The following FOLH1 variants were observed in gnomAD, a reference collection of about 807,000 sequenced individuals.
FOLH1 encodes folate hydrolase 1, also known as glutamate carboxypeptidase 2.
A neutral mutation model predicts 93.9 loss-of-function variants in FOLH1; 54 were observed. That is an observed-to-expected ratio of 0.57 (90% CI 0.46 to 0.72). The LOEUF (loss-of-function observed/expected upper bound fraction) is 0.72, where lower values mean the gene tolerates loss of function less well. Ranked by LOEUF, FOLH1 falls within the 30% of genes least tolerant of loss-of-function variation. FOLH1 has a pLI of 0.00. For synonymous variants in FOLH1, 249 were observed against 303.6 expected (o/e 0.82, Z 1.87); for missense variants, 571 against 892.5 (o/e 0.64, Z 4.59).
intron 4 of FOLH1, among the ~76,000 whole-genome samples, chr11:49,188,681 A>T (rs1861689297): frequency 6.6e-6 from 1 of 152,170 alleles, no homozygotes; most frequent in South Asian, 2.1e-4. Context: ...ATCTTAACAC[A>T]TTTGTTCAGT....
Position 49,200,389 on chromosome 11 carries a change from C to A in FOLH1, c.277G>T (p.Ala93Ser). ...LAGTEQNFQLAKQIQSQWKEF... is the reference protein window; with the variant it reads ...LAGTEQNFQLSKQIQSQWKEF... The stretch of plus-strand genomic sequence containing the variant: ...TTCCACTGGGATTGAATTTGCTTTG[C>A]AAGCTGAAAGTTTTGTTCTGTTCCT... Residue 93 changes from alanine (A) to serine (S), a missense_variant, in exon 3 of 19, where the codon GCA (alanine) becomes TCA (serine). By Grantham distance (99) the Ala-to-Ser change is moderately conservative. Around this residue, in one of 2 missense-constraint regions of FOLH1, gnomAD observed 500 missense variants for 822.9 expected, o/e 0.61. Transcript: ENST00000256999. The A allele has an allele frequency of 6.2e-7, 1 of 1,613,438 alleles. No individual in the cohort carries two copies. Among genetic ancestry groups the A allele is most frequent in the Middle Eastern group, 1.7e-4 (1 of 6,052 alleles).
At chr11:49,192,932 T>TA (rs1862232356) in intron 3 of FOLH1, 38 bp from the exon 4 acceptor site, 1 of 1,518,744 alleles carries the variant, frequency 6.6e-7, no homozygotes, top group Non-Finnish European at 8.9e-7. Flanking sequence ...ATAAAACAGT[T>TA]AAAGTTTGAT....
intron 3 of FOLH1, among the ~76,000 whole-genome samples, chr11:49,196,335 G>A (rs962782733): frequency 6.6e-6 from 1 of 152,020 alleles, no homozygotes; most frequent in African/African-American, 2.4e-5. Flanking sequence ...TAAACCAGTA[G>A]TTTAAAATTT....
At chr11:49,171,092 A>C in intron 11 of FOLH1, 103 bp downstream of exon 11, 1 of 1,288,882 alleles carries the variant, frequency 7.8e-7, no homozygotes, top group Non-Finnish European at 1.0e-6. Flanking sequence ...AAAACTTTGA[A>C]TACTTTCTCA....
chr11:49,173,307 A>G, intron 10 of FOLH1, 50 bp downstream of exon 10: 1 of 1,578,576 alleles, frequency 6.3e-7, no homozygotes, highest in Non-Finnish European at 8.6e-7. Flanking sequence ...CAGAAGACTA[A>G]ACTGAGACTC....
At chr11:49,162,633 T>G (rs2134987792) in intron 13 of FOLH1, among the ~76,000 whole-genome samples, 1 of 152,318 alleles carries the variant, frequency 6.6e-6, no homozygotes, top group African/African-American at 2.4e-5. Flanking sequence ...GAAACCTTGC[T>G]GGAGAAGTGA....
At chr11:49,189,438 A>G (rs1200495884) in intron 4 of FOLH1, among the ~76,000 whole-genome samples, 1 of 152,166 alleles carries the variant, frequency 6.6e-6, no homozygotes, top group Non-Finnish European at 1.5e-5. Flanking sequence ...ATTGGTGAAG[A>G]TCTATTATGT....
chr11:49,163,583 G>A (rs903348210), intron 13 of FOLH1, among the ~76,000 whole-genome samples: 13 of 151,374 alleles, frequency 8.6e-5, no homozygotes, highest in African/African-American at 3.2e-4. Context: ...AAGCCAGTGG[G>A]TCTTATCCTG....
chr11:49,192,336 G>T (rs989016683), intron 4 of FOLH1, among the ~76,000 whole-genome samples: 3 of 152,142 alleles, frequency 2.0e-5, no homozygotes, highest in African/African-American at 7.2e-5. Flanking sequence ...CAAAATTAAG[G>T]ATCTCTTTTC....
At chr11:49,177,972 A>G (rs1590578511) in intron 7 of FOLH1, among the ~76,000 whole-genome samples, 1 of 151,938 alleles carries the variant, frequency 6.6e-6, no homozygotes, top group Non-Finnish European at 1.5e-5. Context: ...TCAAAAAAAA[A>G]AAAACAAAAG....
At chr11:49,155,830 A>ATATC (rs1349848139) in intron 15 of FOLH1, among the ~76,000 whole-genome samples, 1 of 137,490 alleles carries the variant, frequency 7.3e-6, no homozygotes, top group Non-Finnish European at 1.6e-5. Flanking sequence ...ATATATATAT[A>ATATC]TATATAATCA....
At chr11:49,198,244 G>A (rs1317624892) in intron 3 of FOLH1, among the ~76,000 whole-genome samples, 1 of 152,064 alleles carries the variant, frequency 6.6e-6, no homozygotes, top group Admixed American at 6.6e-5. Flanking sequence ...CACTTTGGGA[G>A]GCCGAGGCGG....
At chr11:49,194,369 C>A (rs558077755) in intron 3 of FOLH1, among the ~76,000 whole-genome samples, 2 of 151,848 alleles carry the variant, frequency 1.3e-5, no homozygotes, top group East Asian at 3.9e-4. Context: ...GAGAAATGAT[C>A]AGGAGGAATC....
Position 49,146,670 on chromosome 11 carries a change from A to G in FOLH1, c.*86T>C, listed in dbSNP as rs1044656915. The G allele has an allele frequency of 4.7e-6, 6 of 1,279,838 alleles. No individual in the cohort carries two copies. In the African/African-American group the frequency reaches 7.6e-5, roughly 16 times the overall value. The allele number at this position is 1,279,838 out of a possible 1,614,324, so 79.3% of individuals were successfully genotyped here. ...ATTCAACTTTATTTCAAATATACCA[A>G]TTTTAAAATTTATCAATATACCCAT... is the stretch of plus-strand genomic sequence containing the variant. On this transcript the variant is annotated 3_prime_UTR_variant, in exon 19 of 19. Transcript: ENST00000256999.
intron 12 of FOLH1, among the ~76,000 whole-genome samples, chr11:49,167,453 G>T (rs1858546132): frequency 1.3e-5 from 2 of 152,164 alleles, no homozygotes; most frequent in Admixed American, 1.3e-4. Flanking sequence ...AAGAGAAGGA[G>T]AAAAGAATAA....
At chr11:49,192,985 T>A in intron 3 of FOLH1, 91 bp from the exon 4 acceptor site, 1 of 1,099,262 alleles carries the variant, frequency 9.1e-7, no homozygotes, top group Non-Finnish European at 1.3e-6. Context: ...ATCTTTTATG[T>A]CAGTAGAGGG....
chr11:49,168,668 A>C (rs1028116285), intron 12 of FOLH1, among the ~76,000 whole-genome samples: 1 of 152,140 alleles, frequency 6.6e-6, no homozygotes, highest in Non-Finnish European at 1.5e-5. Context: ...ATGGGGTTTC[A>C]CCATGTTGGC....
rs1027133686 is a variant in FOLH1 at position 49,186,636 on chromosome 11, T to C, written c.639+8A>G. ...GGGAGAGAAAAAAAGAGATAATTTT[T>C]ACCTTACCTTATTTCCTCTGAAAAC... On this transcript the variant is annotated splice_region_variant and intron_variant, in intron 5 of 18. Transcript: ENST00000256999. The C allele has an allele frequency of 6.2e-7, 1 of 1,610,212 alleles. No individual in the cohort carries two copies. The highest frequency in any genetic ancestry group is 8.5e-7 in the Non-Finnish European group (1 of 1,178,374).
rs1229007230 is a variant in FOLH1, at chr11:49,208,363, C to G, written c.47G>C (p.Arg16Pro). 6.2e-7 allele frequency: 1 copy of G among 1,602,236 alleles called. No individual in the cohort carries two copies. The highest frequency in any genetic ancestry group is 1.1e-5 in the South Asian group (1 of 89,768). Residue 16 changes from arginine to proline, a missense_variant, in exon 1 of 19, where the codon CGC (arginine) becomes CCC (proline). Transcript: ENST00000256999. ...HETDSAVATA[R>P]RPRWLCAGAL... ...CCCAGCGCACAGCCAGCGCGGGCGG[C>G]GCGCGGTGGCCACAGCCGAGTCGGT... is the stretch of plus-strand genomic sequence containing the variant.
Sources: gnomAD v4.1 joint callset for allele counts (sites outside exome capture counted in the v4.1 genomes callset) on GRCh38, gnomAD v4.1.1 for gene constraint, gnomAD v4.1.1 regional missense constraint, MANE v1.5 for transcripts, NCBI Gene and HGNC (gene_info 2026-07-23, HGNC 2026-07-21) for gene names.